Variants in CAMKMT observed in about 807,000 individuals in gnomAD.
CAMKMT encodes calmodulin-lysine N-methyltransferase.
CAMKMT carries 53 observed loss-of-function variants against 48.0 expected under a neutral mutation model. The observed-to-expected ratio is 1.10, with a 90% CI of 0.89 to 1.39. The LOEUF (loss-of-function observed/expected upper bound fraction) is 1.39, where lower values mean the gene tolerates loss of function less well. Ranked by LOEUF, CAMKMT falls within the 40% of genes most tolerant of loss-of-function variation. CAMKMT has a pLI of 0.00. For synonymous variants in CAMKMT, 165 were observed against 152.3 expected, an observed-to-expected ratio of 1.08 and a Z score of -0.61; for missense variants, 428 against 402.7, an observed-to-expected ratio of 1.06 and a Z score of -0.54.
intron 2 of CAMKMT, among the ~76,000 whole-genome samples, chr2:44,377,063 G>A (rs938582861): frequency 6.6e-6 from 1 of 151,950 alleles, no homozygotes; most frequent in African/African-American, 2.4e-5. Flanking sequence ...CTGGTATGCA[G>A]TGGCATGATC....
At chr2:44,466,069 C>A (rs181136246) in intron 3 of CAMKMT, among the ~76,000 whole-genome samples, 1 of 152,130 alleles carries the variant, frequency 6.6e-6, no homozygotes, top group Admixed American at 6.5e-5. Context: ...GAAATAGTAA[C>A]GCAGTTAACA....
At chr2:44,706,928 C>T (rs150033634) in intron 5 of CAMKMT, among the ~76,000 whole-genome samples, 2 of 152,166 alleles carry the variant, frequency 1.3e-5, no homozygotes, top group East Asian at 3.9e-4. Context: ...ACAAACCTGT[C>T]GCTCTTATAC....
chr2:44,385,319 G>A (rs543404396), intron 2 of CAMKMT, among the ~76,000 whole-genome samples: 4 of 152,038 alleles, frequency 2.6e-5, no homozygotes, highest in African/African-American at 9.6e-5. Context: ...ATTGATTTGT[G>A]TACATTAACC....
intron 3 of CAMKMT, among the ~76,000 whole-genome samples, chr2:44,472,538 C>A (rs968287795): frequency 2.6e-5 from 4 of 152,134 alleles, no homozygotes; most frequent in African/African-American, 9.7e-5. Flanking sequence ...TAAAAACATT[C>A]ATAATACAAA....
At chr2:44,598,407 T>G (rs887911951) in intron 3 of CAMKMT, among the ~76,000 whole-genome samples, 5 of 151,934 alleles carry the variant, frequency 3.3e-5, no homozygotes, top group African/African-American at 7.3e-5. Context: ...GAAATGAAGT[T>G]CCAGTTTTCT....
chr2:44,508,673 G>C (rs1177213897), intron 3 of CAMKMT, among the ~76,000 whole-genome samples: 2 of 152,102 alleles, frequency 1.3e-5, no homozygotes, highest in African/African-American at 2.4e-5. Flanking sequence ...AACTTTCTAT[G>C]GGATTTTTTT....
intron 3 of CAMKMT, among the ~76,000 whole-genome samples, chr2:44,457,916 C>A (rs1667652692): frequency 6.6e-6 from 1 of 152,042 alleles, no homozygotes; most frequent in African/African-American, 2.4e-5. Flanking sequence ...GAATAGTGAA[C>A]CCTCAGATTC....
intron 3 of CAMKMT, among the ~76,000 whole-genome samples, chr2:44,453,196 C>G (rs1457689436): frequency 6.6e-6 from 1 of 151,890 alleles, no homozygotes; most frequent in African/African-American, 2.4e-5. Flanking sequence ...CTGTAGGGAG[C>G]AAAACCACAT....
intron 3 of CAMKMT, among the ~76,000 whole-genome samples, chr2:44,560,464 G>A (rs920369884): frequency 6.6e-6 from 1 of 151,952 alleles, no homozygotes; most frequent in East Asian, 1.9e-4. Context: ...TGGAGACAGT[G>A]TCTTGCTATA....
rs1681159454 is a variant in CAMKMT at position 44,772,518 on chromosome 2, A to G, written c.*405A>G. The G allele has an allele frequency of 6.3e-6, 1 of 158,408 alleles. No homozygotes were observed. Among genetic ancestry groups the G allele is most frequent in the Non-Finnish European group, 1.4e-5 (1 of 73,928 alleles). The allele number at this position is 158,408 out of a possible 1,614,324, so 9.8% of individuals were successfully genotyped here. A position where few individuals can be genotyped will look rare whatever the true frequency, so the allele number is the denominator to read the frequency against. ...GTTTTGGTGGTGGTAGTTTTTAATC[A>G]GTAAACCCAGCAAATATCATGATTC... On this transcript the variant is annotated 3_prime_UTR_variant, in exon 11 of 11. Coordinates refer to ENST00000378494, the MANE Select transcript of CAMKMT (RefSeq NM_024766.5).
intron 3 of CAMKMT, among the ~76,000 whole-genome samples, chr2:44,531,618 C>T (rs575383663): frequency 5.9e-5 from 9 of 152,128 alleles, no homozygotes; most frequent in Non-Finnish European, 1.2e-4. Context: ...TAGGGCTTTC[C>T]ACTTTATGAT....
intron 3 of CAMKMT, among the ~76,000 whole-genome samples, chr2:44,455,101 T>C (rs1266691766): frequency 1.3e-5 from 2 of 152,188 alleles, no homozygotes; most frequent in Admixed American, 6.5e-5. Context: ...TTTAACTTTC[T>C]TGATCTCAGA....
intron 7 of CAMKMT, among the ~76,000 whole-genome samples, chr2:44,743,098 G>A (rs1026946940): frequency 2.6e-5 from 4 of 152,190 alleles, no homozygotes; most frequent in Admixed American, 6.5e-5. Flanking sequence ...GTCAGTGTGG[G>A]TGAATTTTTC....
chr2:44,700,124 A>C (rs1218385231), intron 3 of CAMKMT, among the ~76,000 whole-genome samples: 1 of 152,212 alleles, frequency 6.6e-6, no homozygotes, highest in Non-Finnish European at 1.5e-5. Flanking sequence ...AACATCTTGA[A>C]CTAACCTCCA....
intron 2 of CAMKMT, among the ~76,000 whole-genome samples, chr2:44,378,259 A>AT (rs1304545144): frequency 1.1e-4 from 16 of 152,090 alleles, no homozygotes; most frequent in Non-Finnish European, 8.8e-5. Context: ...TTTCATTGCA[A>AT]TTTTTTATGT....
chr2:44,749,262 T>C (rs1035754282), intron 8 of CAMKMT, among the ~76,000 whole-genome samples: 3 of 152,116 alleles, frequency 2.0e-5, no homozygotes, highest in Non-Finnish European at 4.4e-5. Context: ...GAGGAGAAAA[T>C]CATCAGATCG....
chr2:44,548,163 A>G (rs1667508022), intron 3 of CAMKMT, among the ~76,000 whole-genome samples: 2 of 152,174 alleles, frequency 1.3e-5, no homozygotes, highest in African/African-American at 4.8e-5. Flanking sequence ...TTAGCATCCT[A>G]CTATGTGCTT....
At chr2:44,406,517 T>A (rs995105950) in intron 3 of CAMKMT, among the ~76,000 whole-genome samples, 4 of 152,172 alleles carry the variant, frequency 2.6e-5, no homozygotes, top group African/African-American at 9.7e-5. Flanking sequence ...TTAGCACATT[T>A]GTTTTGTTTA....
rs143680342 is a variant in CAMKMT at position 44,709,611 on chromosome 2, A to G, written c.556+2149A>G. On this transcript the variant is annotated intron_variant, in intron 6 of 10. Coordinates refer to ENST00000378494, the MANE Select transcript of CAMKMT (RefSeq NM_024766.5). ...ATCTGTTTTACTGACTGAGGTTAAT[A>G]TGAATGATTTTTTTTTCTATTTGCA... Among the ~76,000 whole-genome samples, 578 of 152,254 alleles carry G rather than the reference A, an allele frequency of 3.8e-3. 4 individuals carry two copies. Among genetic ancestry groups the G allele is most frequent in the African/African-American group, 0.013 (552 of 41,558 alleles).
Sources: allele counts gnomAD v4.1 joint callset (sites outside exome capture counted in the v4.1 genomes callset), GRCh38; gene constraint gnomAD v4.1.1; transcripts MANE v1.5; gene names NCBI Gene and HGNC (gene_info 2026-07-23, HGNC 2026-07-21).